The following ANO5 variants were observed in gnomAD, a reference collection of about 807,000 sequenced individuals.
ANO5 encodes anoctamin 5, also known as anoctamin-5.
In ANO5, 109 loss-of-function variants were observed where a neutral mutation model predicts 121.0. The observed-to-expected ratio is 0.90, with a 90% confidence interval of 0.77 to 1.06. The LOEUF is 1.06. Among genes scored for constraint, ANO5 ranks in the 50% least tolerant of loss-of-function variants. The pLI is 0.00. For synonymous variants in ANO5, 406 were observed against 359.9 expected (o/e 1.13, Z -1.45); for missense variants, 1,064 against 1,078.5 (o/e 0.99, Z 0.19).
At chr11:22,203,454 G>C (rs1298536627) in intron 1 of ANO5, among the ~76,000 whole-genome samples, 1 of 152,056 alleles carries the variant, frequency 6.6e-6, no homozygotes, top group African/African-American at 2.4e-5. Context: ...CATGTGGTGA[G>C]AACTAAAACA....
chr11:22,253,996 A>C (rs999079710), intron 12 of ANO5, among the ~76,000 whole-genome samples: 2 of 152,188 alleles, frequency 1.3e-5, no homozygotes, highest in African/African-American at 4.8e-5. Flanking sequence ...AATGGTCCAC[A>C]ATAATTAATT....
At chr11:22,247,151 C>CT (rs1219288200) in intron 9 of ANO5, among the ~76,000 whole-genome samples, 7 of 152,068 alleles carry the variant, frequency 4.6e-5, no homozygotes. Flanking sequence ...TGAACTATGT[C>CT]TTGAAAGATA....
intron 5 of ANO5, among the ~76,000 whole-genome samples, chr11:22,221,497 G>C (rs911602765): frequency 6.6e-6 from 1 of 151,878 alleles, no homozygotes; most frequent in East Asian, 1.9e-4. Flanking sequence ...AAAATTTGAG[G>C]TATGTGTCTG....
chr11:22,193,636 G>C, intron 1 of ANO5, 104 bp downstream of exon 1: 2 of 1,383,862 alleles, frequency 1.4e-6, no homozygotes, highest in South Asian at 2.5e-5. Context: ...CCTGCGGCCT[G>C]AGTCCTAGGG....
intron 9 of ANO5, among the ~76,000 whole-genome samples, chr11:22,248,017 C>A (rs1228363460): frequency 6.6e-6 from 1 of 152,050 alleles, no homozygotes; most frequent in Non-Finnish European, 1.5e-5. Flanking sequence ...GAGGATAATA[C>A]TGAAGCTAAG....
At chr11:22,271,083 C>CA (rs1854594163) in intron 18 of ANO5, among the ~76,000 whole-genome samples, 1 of 152,128 alleles carries the variant, frequency 6.6e-6, no homozygotes, top group East Asian at 1.9e-4. Context: ...GACAGAGTCT[C>CA]GCTCTGTCGC....
At chr11:22,214,249 A>G (rs1008647527) in intron 3 of ANO5, among the ~76,000 whole-genome samples, 4 of 151,688 alleles carry the variant, frequency 2.6e-5, no homozygotes, top group African/African-American at 9.7e-5. Context: ...GTATACCCCT[A>G]TTATTGTGTT....
At chr11:22,240,993 T>G (rs1294859213) in intron 9 of ANO5, among the ~76,000 whole-genome samples, 2 of 152,110 alleles carry the variant, frequency 1.3e-5, no homozygotes, top group East Asian at 3.9e-4. Context: ...GTTTTTCTAT[T>G]GAAAAACATT....
chr11:22,242,074 G>T (rs752161617), intron 9 of ANO5, among the ~76,000 whole-genome samples: 1 of 152,154 alleles, frequency 6.6e-6, no homozygotes, highest in South Asian at 2.1e-4. Flanking sequence ...TATGGTGAAA[G>T]ATAAGGGTCC....
chr11:22,274,878 T>C, intron 20 of ANO5, 131 bp downstream of exon 20: 1 of 1,217,706 alleles, frequency 8.2e-7, no homozygotes. Flanking sequence ...ATAAATAAAG[T>C]GTATCCATTC....
rs1030570384 is a variant in ANO5, at chr11:22,235,730, A to G, written c.649-433A>G. On this transcript the variant is annotated intron_variant, in intron 7 of 21. Transcript: ENST00000324559. Reference sequence around the variant, plus strand: ...ACTTTGGCTAATAAATTCAGATATCAGGTAAAATCCCTTGTAAAAATAATT... The same window carrying G: ...ACTTTGGCTAATAAATTCAGATATCGGGTAAAATCCCTTGTAAAAATAATT... Among the ~76,000 whole-genome samples the G allele has an allele frequency of 9.2e-5, 14 of 152,308 alleles. 1 individual carries two copies. The South Asian group carries it at 1.2e-3, about 14-fold the overall frequency.
At chr11:22,206,849 A>G (rs1852136628) in intron 2 of ANO5, among the ~76,000 whole-genome samples, 1 of 152,116 alleles carries the variant, frequency 6.6e-6, no homozygotes, top group Non-Finnish European at 1.5e-5. Flanking sequence ...CTTTCTTCGT[A>G]AGATCAGAAT....
intron 4 of ANO5, among the ~76,000 whole-genome samples, chr11:22,220,209 G>T (rs1203427455): frequency 1.3e-5 from 2 of 151,996 alleles, no homozygotes; most frequent in East Asian, 1.9e-4. Flanking sequence ...ATTCGCAGGT[G>T]AGCTAAAGCA....
At chr11:22,223,877 C>A (rs10766926) in intron 5 of ANO5, among the ~76,000 whole-genome samples, 104,372 of 151,256 alleles carry the variant, frequency 0.69, 37,530 homozygotes, top group Non-Finnish European at 0.81. Context: ...GCTACTATTT[C>A]TCTATTTTTT....
At chr11:22,258,990 G>A (rs944219548) in intron 14 of ANO5, among the ~76,000 whole-genome samples, 11 of 151,952 alleles carry the variant, frequency 7.2e-5, no homozygotes, top group East Asian at 1.9e-4. Context: ...AAAATTAGCC[G>A]GGTGTGGTGG....
chr11:22,210,780 T>C (rs1190797479), intron 2 of ANO5, among the ~76,000 whole-genome samples: 3 of 151,964 alleles, frequency 2.0e-5, no homozygotes, highest in Non-Finnish European at 4.4e-5. Flanking sequence ...AGAATCCTGA[T>C]GGTGTATTTT....
chr11:22,212,597 C>T (rs1852316334), intron 3 of ANO5, among the ~76,000 whole-genome samples: 1 of 151,890 alleles, frequency 6.6e-6, no homozygotes. Context: ...ACCCTATCAG[C>T]AGTGTGTTGT....
chr11:22,267,093 A>G (rs1236742848), intron 17 of ANO5, among the ~76,000 whole-genome samples: 1 of 152,146 alleles, frequency 6.6e-6, no homozygotes, highest in Non-Finnish European at 1.5e-5. Context: ...TTTCATTATT[A>G]TTTACTATAT....
intron 5 of ANO5, among the ~76,000 whole-genome samples, chr11:22,223,257 A>T (rs188608668): frequency 6.6e-6 from 1 of 152,054 alleles, no homozygotes; most frequent in Non-Finnish European, 1.5e-5. Context: ...CAGTGAAATG[A>T]TAAAAAGCAA....
Sources: gnomAD v4.1 joint callset for allele counts (sites outside exome capture counted in the v4.1 genomes callset) on GRCh38, gnomAD v4.1.1 for gene constraint, MANE v1.5 for transcripts, NCBI Gene and HGNC (gene_info 2026-07-23, HGNC 2026-07-21) for gene names.